DNAH10: variants seen among roughly 807,000 people sequenced by gnomAD.
DNAH10 encodes dynein axonemal heavy chain 10, also known as axonemal beta dynein heavy chain 10.
In DNAH10, 348 loss-of-function variants were observed where a neutral mutation model predicts 506.6. That is an observed-to-expected ratio of 0.69 (90% confidence interval 0.63 to 0.75). The LOEUF is 0.75. Among genes scored for constraint, DNAH10 ranks in the 30% least tolerant of loss-of-function variants. The pLI, the probability that DNAH10 is intolerant of heterozygous loss-of-function variation, is 0.00. For missense variants in DNAH10, 5,179 were observed against 5,787.1 expected, an observed-to-expected ratio of 0.89 and a Z score of 3.41; for synonymous variants, 2,059 against 2,198.6, an observed-to-expected ratio of 0.94 and a Z score of 1.78.
chr12:123,848,289 G>A (rs1224943456), intron 33 of DNAH10, among the ~76,000 whole-genome samples, 194 bp downstream of exon 33: 1 of 152,248 alleles, frequency 6.6e-6, no homozygotes, highest in Non-Finnish European at 1.5e-5. Context: ...TAGAGCAAGA[G>A]TCCCGGATTC....
chr12:123,794,653 C>CT (rs1958207927), intron 12 of DNAH10, among the ~76,000 whole-genome samples: 1 of 151,834 alleles, frequency 6.6e-6, no homozygotes, highest in African/African-American at 2.4e-5. Flanking sequence ...TGAGACCAGC[C>CT]TAGGCAACAT....
At chr12:123,869,281 C>T (rs918694114) in intron 43 of DNAH10, among the ~76,000 whole-genome samples, 1 of 152,156 alleles carries the variant, frequency 6.6e-6, no homozygotes, top group African/African-American at 2.4e-5. Context: ...TTCCCTGCAT[C>T]CTCACTTCCT....
rs368277217 is a variant in DNAH10 at position 123,790,132 on chromosome 12, C to T, written c.1815+11C>T. The T allele has an allele frequency of 5.6e-5, 91 of 1,612,958 alleles. No homozygotes were observed. Among genetic ancestry groups the T allele is most frequent in the South Asian group, 9.9e-5 (9 of 90,946 alleles). ...AAGATTGAAGTTCTGGCAAGTGACA[C>T]GTCCATTGAGTCCATCTTGGGAGTC... On this transcript the variant is annotated intron_variant, in intron 11 of 78. Transcript: ENST00000673944.
chr12:123,930,031 T>C (rs148148719), intron 72 of DNAH10: 248 of 559,692 alleles, frequency 4.4e-4, no homozygotes, highest in African/African-American at 4.0e-3. Flanking sequence ...TATACAGAGC[T>C]CACAGGAAGC....
intron 27 of DNAH10, among the ~76,000 whole-genome samples, chr12:123,833,564 T>C (rs1383085353): frequency 6.6e-6 from 1 of 152,246 alleles, no homozygotes; most frequent in Non-Finnish European, 1.5e-5. Flanking sequence ...TGATTTTCAT[T>C]TCCAAGATTC....
Position 123,841,247 on chromosome 12 carries a change from A to G in DNAH10, c.5137-75A>G, listed in dbSNP as rs942824195. On this transcript the variant is annotated intron_variant, in intron 29 of 78. Coordinates refer to ENST00000673944, the MANE Select transcript of DNAH10 (RefSeq NM_001372106.1). ...GCTTGCATCGTGGCAGCTCTGCTGG[A>G]TGGAGCACCGCTGGCTGGTCTTTGA... 2.0e-6 allele frequency: 3 copies of G among 1,499,448 alleles called. No individual in the cohort carries two copies. In the East Asian group the frequency reaches 6.8e-5, roughly 34 times the overall value. 92.9% of individuals were successfully genotyped at this position (1,499,448 alleles called of 1,614,324 possible).
chr12:123,915,160 G>T (rs533128870), intron 62 of DNAH10, among the ~76,000 whole-genome samples, 161 bp downstream of exon 62: 1 of 152,110 alleles, frequency 6.6e-6, no homozygotes, highest in African/African-American at 2.4e-5. Context: ...CTCCGCCTCC[G>T]CCTCCACCCC....
chr12:123,853,010 T>G lies in DNAH10; in HGVS notation c.6292-196T>G, dbSNP rs1311673598. 6.6e-6 allele frequency among the ~76,000 whole-genome samples: 1 copy of G among 152,198 alleles called. No homozygotes were observed. ...TAACACAGATGTTTCTTCAAATTAG[T>G]TCCCAATTTGCCATATTTAAAAATG... On this transcript the variant is annotated intron_variant, in intron 35 of 78. Coordinates refer to ENST00000673944, the MANE Select transcript of DNAH10 (RefSeq NM_001372106.1). This position sits in a 1 kb window ranked among gnomAD's most constrained non-coding sequence, Gnocchi z 4.7.
chr12:123,894,555 G>C (rs1041803263), intron 53 of DNAH10, 88 bp from the exon 54 acceptor site: 132 of 1,244,702 alleles, frequency 1.1e-4, no homozygotes, highest in Non-Finnish European at 1.4e-4. Context: ...ACCACACCCG[G>C]CCCTGATTTT....
rs575455504 is a variant in DNAH10 at position 123,834,242 on chromosome 12, C to G, written c.4779+895C>G. Among the ~76,000 whole-genome samples the G allele has an allele frequency of 6.2e-4, 95 of 152,264 alleles. 1 individual carries two copies. Among genetic ancestry groups the G allele is most frequent in the African/African-American group, 1.6e-3 (68 of 41,530 alleles). Reference sequence around the variant, plus strand: ...ATTTTTTTTTAGATGGAGTCTTGCTCTGTCACCCAGGCTGGAGTGCAGTGG... The same window carrying G: ...ATTTTTTTTTAGATGGAGTCTTGCTGTGTCACCCAGGCTGGAGTGCAGTGG... On this transcript the variant is annotated intron_variant, in intron 27 of 78. Coordinates refer to ENST00000673944, the MANE Select transcript of DNAH10 (RefSeq NM_001372106.1).
intron 12 of DNAH10, among the ~76,000 whole-genome samples, chr12:123,794,351 G>A (rs1190187549): frequency 2.0e-5 from 3 of 152,206 alleles, no homozygotes; most frequent in Non-Finnish European, 2.9e-5. Flanking sequence ...CCCTGTGTGG[G>A]TTAGTAATAA....
rs1276331376 is a variant in DNAH10 at position 123,784,187 on chromosome 12, G to C, written c.1230+10G>C. ...GGAGCGTTATTTCAAGGTATGCTGG[G>C]TGTGCTGCACTTTGCAGTCAGCTCT... On this transcript the variant is annotated intron_variant, in intron 8 of 78. Coordinates refer to ENST00000673944, the MANE Select transcript of DNAH10 (RefSeq NM_001372106.1). 6.2e-7 allele frequency: 1 copy of C among 1,610,770 alleles called. No individual in the cohort carries two copies. Among genetic ancestry groups the C allele is most frequent in the South Asian group, 1.1e-5 (1 of 91,012 alleles).
In DNAH10 at chr12:123,870,580, C is replaced by CT. The variant is rs531262747; in HGVS notation, c.7639+96dup. 176 of 1,473,652 alleles carry CT rather than the reference C, an allele frequency of 1.2e-4. 1 individual carries two copies. The African/African-American group carries it at 1.9e-3, about 16-fold the overall frequency. The allele number at this position is 1,473,652 out of a possible 1,614,324, so 91.3% of individuals were successfully genotyped here. A position where few individuals can be genotyped will look rare whatever the true frequency, so the allele number is the denominator to read the frequency against. ...AAGATCCCATGGCTTCTCTGGTACT[C>CT]TAAGTCCCACGCAGAGAGCTGGTAG... is the stretch of plus-strand genomic sequence containing the variant. On this transcript the variant is annotated intron_variant, in intron 44 of 78. Transcript: ENST00000673944.
At chr12:123,892,537 AT>A (rs1953032123) in intron 52 of DNAH10, among the ~76,000 whole-genome samples, 1 of 152,180 alleles carries the variant, frequency 6.6e-6, no homozygotes, top group Non-Finnish European at 1.5e-5. Flanking sequence ...CACATCCCAT[AT>A]TGGGCCACTC....
intron 19 of DNAH10, among the ~76,000 whole-genome samples, chr12:123,809,254 C>T (rs976045070): frequency 2.6e-5 from 4 of 152,194 alleles, no homozygotes; most frequent in African/African-American, 9.6e-5. Context: ...CCCCCCAGTA[C>T]CTTCCTATCC....
rs1338556904 is a variant in DNAH10, at chr12:123,902,458, T to C, written c.9641-481T>C. ...GGTGAAATGAAACTTCCGATTGCGA[T>C]TGGTGTCATGAAGCAAGTCAGCAAG... On this transcript the variant is annotated intron_variant, in intron 56 of 78. Transcript: ENST00000673944. This position sits in a 1 kb window ranked among gnomAD's most constrained non-coding sequence, Gnocchi z 4.5. Among the ~76,000 whole-genome samples, 2 of 152,036 alleles carry C rather than the reference T, an allele frequency of 1.3e-5. No homozygotes were observed. The highest frequency in any genetic ancestry group is 2.4e-5 in the African/African-American group (1 of 41,362).
At chr12:123,908,994 G>T (rs776931633) in intron 57 of DNAH10, among the ~76,000 whole-genome samples, 10 of 152,136 alleles carry the variant, frequency 6.6e-5, no homozygotes, top group Admixed American at 5.2e-4. Context: ...CAGACGCTCC[G>T]GGGACGGCCT....
chr12:123,921,906 G>C (rs1368776657), intron 65 of DNAH10, among the ~76,000 whole-genome samples: 2 of 151,020 alleles, frequency 1.3e-5, no homozygotes, highest in Non-Finnish European at 3.0e-5. Context: ...GTAGAGACAG[G>C]GTTTTGCCAT....
chr12:123,776,172 A>T (rs942460388), intron 5 of DNAH10, among the ~76,000 whole-genome samples: 8 of 152,090 alleles, frequency 5.3e-5, no homozygotes, highest in Non-Finnish European at 8.8e-5. Context: ...GACACGGCCA[A>T]ACCACATCAA....
Sources: allele counts gnomAD v4.1 joint callset (sites outside exome capture counted in the v4.1 genomes callset), GRCh38; gene constraint gnomAD v4.1.1; non-coding constraint Gnocchi (gnomAD v3.1); transcripts MANE v1.5; gene names NCBI Gene and HGNC (gene_info 2026-07-23, HGNC 2026-07-21).